The following PCDH9 variants were observed in gnomAD, a reference collection of about 807,000 sequenced individuals.
PCDH9 encodes protocadherin 9.
PCDH9 carries 24 observed loss-of-function variants against 70.6 expected under a neutral mutation model. The ratio of observed to expected loss-of-function variants is 0.34; its 90% CI spans 0.25 to 0.48. The LOEUF (loss-of-function observed/expected upper bound fraction) is 0.48, where lower values mean the gene tolerates loss of function less well. Ranked by LOEUF, PCDH9 falls within the 20% of genes least tolerant of loss-of-function variation. The pLI is 0.99. For missense variants in PCDH9, 1,281 were observed against 1,503.6 expected, an observed-to-expected ratio of 0.85 and a Z score of 2.45; for synonymous variants, 562 against 558.5, an observed-to-expected ratio of 1.01 and a Z score of -0.09.
chr13:66,334,800 C>A (rs919100058), intron 4 of PCDH9, among the ~76,000 whole-genome samples: 1 of 151,938 alleles, frequency 6.6e-6, no homozygotes, highest in Non-Finnish European at 1.5e-5. Flanking sequence ...AAAAAAATTT[C>A]TTTTGATTCA....
chr13:66,795,720 T>C (rs1369685151), intron 3 of PCDH9, among the ~76,000 whole-genome samples: 1 of 152,194 alleles, frequency 6.6e-6, no homozygotes, highest in Admixed American at 6.6e-5. Context: ...TTTGCAAAGA[T>C]GGTAAAACAT....
chr13:67,228,140 C>T lies in PCDH9; in HGVS notation c.301G>A (p.Ala101Thr), dbSNP rs1451757420. 1.3e-5 allele frequency: 21 copies of T among 1,613,836 alleles called. No individual in the cohort carries two copies. The highest frequency in any genetic ancestry group is 1.6e-4 in the Middle Eastern group (1 of 6,082). Residue 101 changes from alanine to threonine, a missense_variant, in exon 2 of 5, where the codon GCC becomes ACC. Physicochemically the swap from Ala to Thr is moderately conservative, Grantham distance 58. Coordinates refer to ENST00000377865, the MANE Select transcript of PCDH9 (RefSeq NM_203487.3). ...RIDREKLCAGASYAEENECFF... is the reference protein window; with the variant it reads ...RIDREKLCAGTSYAEENECFF... ...CACTCATTCTCCTCAGCATATGAGGCGCCAGCACAGAGTTTTTCTCTGTCT... is the reference window on the plus strand; with the variant it reads ...CACTCATTCTCCTCAGCATATGAGGTGCCAGCACAGAGTTTTTCTCTGTCT...
At chr13:67,208,873 T>C (rs566871982) in intron 2 of PCDH9, 1 of 152,332 alleles carries the variant, frequency 6.6e-6, no homozygotes, top group African/African-American at 2.4e-5. Flanking sequence ...CTGTTTGTGA[T>C]GTTGACATTG....
intron 4 of PCDH9, among the ~76,000 whole-genome samples, chr13:66,310,656 T>C (rs1263548987): frequency 6.6e-6 from 1 of 152,078 alleles, no homozygotes; most frequent in Non-Finnish European, 1.5e-5. Context: ...TCATACTGTA[T>C]GAAATTTTCA....
intron 3 of PCDH9, among the ~76,000 whole-genome samples, chr13:66,850,477 C>A (rs2081297739): frequency 6.6e-6 from 1 of 151,308 alleles, no homozygotes; most frequent in Admixed American, 6.6e-5. Flanking sequence ...TGCCACTGCA[C>A]TCCAGCCTGG....
At chr13:67,141,037 A>G (rs891409361) in intron 2 of PCDH9, among the ~76,000 whole-genome samples, 2 of 152,178 alleles carry the variant, frequency 1.3e-5, no homozygotes, top group African/African-American at 4.8e-5. Context: ...TGGGCCATCA[A>G]AAGAGATAAG....
At chr13:67,085,436 T>C (rs9540991) in intron 2 of PCDH9, among the ~76,000 whole-genome samples, 55,277 of 152,066 alleles carry the variant, frequency 0.36, 10,914 homozygotes, top group East Asian at 0.59. Flanking sequence ...TATTACCGTA[T>C]GAACTGTGAA....
At chr13:66,664,573 A>T (rs7992287) in intron 3 of PCDH9, among the ~76,000 whole-genome samples, 2 of 151,738 alleles carry the variant, frequency 1.3e-5, no homozygotes, top group Admixed American at 1.3e-4. Context: ...CAACAGTATG[A>T]CTCCTAGAAA....
chr13:66,772,403 A>G (rs1487065015), intron 3 of PCDH9, among the ~76,000 whole-genome samples: 1 of 152,092 alleles, frequency 6.6e-6, no homozygotes, highest in Non-Finnish European at 1.5e-5. Context: ...TTTCTAGCTC[A>G]TTTTTTCCTC....
At chr13:67,100,206 T>C (rs1489195348) in intron 2 of PCDH9, among the ~76,000 whole-genome samples, 4 of 152,180 alleles carry the variant, frequency 2.6e-5, no homozygotes, top group Non-Finnish European at 5.9e-5. Context: ...TTAGATTATA[T>C]GCCTATTGCT....
intron 3 of PCDH9, among the ~76,000 whole-genome samples, chr13:66,888,118 G>A (rs1594210477): frequency 6.6e-6 from 1 of 152,194 alleles, no homozygotes; most frequent in Admixed American, 6.5e-5. Context: ...CTCAGTGAGA[G>A]TGAAATGGGA....
At chr13:67,203,131 G>A (rs1000818919) in intron 2 of PCDH9, 15 of 152,016 alleles carry the variant, frequency 9.9e-5, no homozygotes, top group African/African-American at 1.4e-4. Context: ...CTCTCACAAT[G>A]TTAGAAACTA....
intron 3 of PCDH9, among the ~76,000 whole-genome samples, chr13:66,713,372 A>G (rs749081681): frequency 1.3e-5 from 2 of 151,814 alleles, no homozygotes; most frequent in Non-Finnish European, 2.9e-5. Flanking sequence ...AATAAAATTC[A>G]AAGTAGTGGC....
intron 3 of PCDH9, among the ~76,000 whole-genome samples, chr13:66,718,417 G>A (rs940654498): frequency 1.3e-5 from 2 of 151,890 alleles, no homozygotes; most frequent in African/African-American, 4.8e-5. Context: ...TTGTTGAGGG[G>A]GGATTTCAAT....
intron 4 of PCDH9, among the ~76,000 whole-genome samples, chr13:66,331,195 C>G (rs1023979402): frequency 6.6e-5 from 10 of 151,990 alleles, no homozygotes; most frequent in Non-Finnish European, 1.5e-5. Flanking sequence ...TTATTTAAAA[C>G]AAGAATTTAT....
chr13:66,886,313 AC>A (rs2082004039), intron 3 of PCDH9, among the ~76,000 whole-genome samples: 1 of 152,002 alleles, frequency 6.6e-6, no homozygotes, highest in African/African-American at 2.4e-5. Context: ...TGAAAGAAAC[AC>A]CCCTTCTCTA....
At chr13:67,208,381 A>C (rs542262992) in intron 2 of PCDH9, 2 of 152,272 alleles carry the variant, frequency 1.3e-5, no homozygotes, top group South Asian at 4.1e-4. Flanking sequence ...TTGTTGGATG[A>C]ATACTTAGAA....
chr13:66,741,291 A>T (rs1343491161), intron 3 of PCDH9, among the ~76,000 whole-genome samples: 1 of 11,798 alleles, frequency 8.5e-5, no homozygotes, highest in Non-Finnish European at 7.0e-3. Flanking sequence ...AAATTCAACA[A>T]CCCTTCATGC....
intron 2 of PCDH9, among the ~76,000 whole-genome samples, chr13:67,122,368 G>T (rs2086893500): frequency 6.6e-6 from 1 of 151,864 alleles, no homozygotes; most frequent in South Asian, 2.1e-4. Context: ...AGTATAACAT[G>T]CTCTTTTTTG....
Sources: allele counts gnomAD v4.1 joint callset (sites outside exome capture counted in the v4.1 genomes callset), GRCh38; gene constraint gnomAD v4.1.1; transcripts MANE v1.5; gene names NCBI Gene and HGNC (gene_info 2026-07-23, HGNC 2026-07-21).